OR6F1: variants seen among roughly 807,000 people sequenced by gnomAD.
OR6F1 encodes olfactory receptor family 6 subfamily F member 1.
For synonymous variants in OR6F1, 144 were observed against 150.0 expected (o/e 0.96, Z 0.29); for missense variants, 346 against 376.0 (o/e 0.92, Z 0.66).
intron 1 of OR6F1, among the ~76,000 whole-genome samples, chr1:247,714,311 T>G (rs914045852): frequency 6.6e-6 from 1 of 152,170 alleles, no homozygotes; most frequent in African/African-American, 2.4e-5. Flanking sequence ...CTCTAGGGTC[T>G]TATCATCCTA....
Position 247,712,768 on chromosome 1 carries a change from AC to A in OR6F1, c.-14del. 6.4e-7 allele frequency: 1 copy of A among 1,552,976 alleles called. No homozygotes were observed. The highest frequency in any genetic ancestry group is 8.8e-7 in the Non-Finnish European group (1 of 1,140,064). On this transcript the variant is annotated 5_prime_UTR_variant, in exon 3 of 3. Transcript: ENST00000641470. ...TGCCTGTGTCCATTGTGGTACTGAA[AC>A]CAGAAAACAGAGTCCCCGCACTGAG...
rs1660005898 is a variant in OR6F1, at chr1:247,711,821, G to C, written c.*8C>G. 2 of 1,578,914 alleles carry C rather than the reference G, an allele frequency of 1.3e-6. No homozygotes were observed. Among genetic ancestry groups the C allele is most frequent in the Non-Finnish European group, 1.7e-6 (2 of 1,148,996 alleles). The stretch of plus-strand genomic sequence containing the variant: ...CATTTACAGGACATCTGTTGTGGTA[G>C]AGGAGATTTATTTTCCCTTCCATTT... On this transcript the variant is annotated 3_prime_UTR_variant, in exon 3 of 3. Transcript: ENST00000641470.
Position 247,711,785 on chromosome 1 carries a change from G to T in OR6F1, c.*44C>A. ...CATTCTTACTTGGAACCTCTGTATA[G>T]ATGCAGAGACCATTTACAGGACATC... On this transcript the variant is annotated 3_prime_UTR_variant, in exon 3 of 3. Transcript: ENST00000641470. 1 of 1,274,628 alleles carries T rather than the reference G, an allele frequency of 7.8e-7. No individual in the cohort carries two copies. Among genetic ancestry groups the T allele is most frequent in the Non-Finnish European group, 1.1e-6 (1 of 882,740 alleles). 79.0% of individuals were successfully genotyped at this position (1,274,628 alleles called of 1,614,324 possible). A position where few individuals can be genotyped will look rare whatever the true frequency, so the allele number is the denominator to read the frequency against.
intron 1 of OR6F1, 97 bp from the exon 2 acceptor site, chr1:247,714,051 G>A (rs1660061735): frequency 7.5e-6 from 3 of 398,042 alleles, no homozygotes; most frequent in Non-Finnish European, 1.3e-5. Context: ...CACTGGCCAG[G>A]ACCATACACT....
intron 2 of OR6F1, 47 bp from the exon 3 acceptor site, chr1:247,712,864 A>T: frequency 1.6e-6 from 1 of 616,288 alleles, no homozygotes; most frequent in Non-Finnish European, 2.8e-6. Context: ...CCAATAATTA[A>T]ATGTAATTAT....
rs1306310942 is a variant in OR6F1, at chr1:247,712,588, A to G, written c.168T>C (p.His56=). The change falls in exon 3 of 3, where the codon CAT becomes CAC. Residue 56 remains histidine, a synonymous_variant. Coordinates refer to ENST00000641470, the MANE Select transcript of OR6F1 (RefSeq NM_001005286.2). ...LMLVSTSHQL[H]TPMYFFLSNL... Reference sequence around the variant, plus strand: ...TGCTCAGAAAGAAGTACATGGGGGTATGCAACTGATGGGAGGTGCTCACCA... The same window carrying G: ...TGCTCAGAAAGAAGTACATGGGGGTGTGCAACTGATGGGAGGTGCTCACCA... The G allele has an allele frequency of 1.2e-6, 2 of 1,614,152 alleles. No individual in the cohort carries two copies. Among genetic ancestry groups the G allele is most frequent in the East Asian group, 2.2e-5 (1 of 44,878 alleles).
chr1:247,711,891 TGAA>T lies in OR6F1; in HGVS notation c.862_864del (p.Phe288del), dbSNP rs1660008461. The T allele has an allele frequency of 6.2e-7, 1 of 1,613,924 alleles. No individual in the cohort carries two copies. Among genetic ancestry groups the T allele is most frequent in the African/African-American group, 1.3e-5 (1 of 75,020 alleles). ...ACTTCCTTATTACGAAGCGTATAGA[TGAA>T]GGGGTTTAAAACTGGAGTCACCACA... On this transcript the variant is annotated inframe_deletion, in exon 3 of 3. Coordinates refer to ENST00000641470, the MANE Select transcript of OR6F1 (RefSeq NM_001005286.2).
At chr1:247,713,479 G>A (rs1176132867) in intron 2 of OR6F1, among the ~76,000 whole-genome samples, 1 of 152,146 alleles carries the variant, frequency 6.6e-6, no homozygotes, top group Non-Finnish European at 1.5e-5. Context: ...AAATCCTGAT[G>A]CCCACTTGGA....
chr1:247,712,193 G>T lies in OR6F1; in HGVS notation c.563C>A (p.Ala188Asp). The change falls in exon 3 of 3, where the codon GCC (alanine) becomes GAC (aspartate). Residue 188 changes from alanine to aspartate, a missense_variant. Physicochemically the swap from Ala to Asp is moderately radical, Grantham distance 126 (BLOSUM62 -2). Coordinates refer to ENST00000641470, the MANE Select transcript of OR6F1 (RefSeq NM_001005286.2). Reference protein sequence around the residue: ...FCDIAPWIALACTNTQAVELV... With the variant: ...FCDIAPWIALDCTNTQAVELV... Reference sequence around the variant, plus strand: ...CTCTACTGCCTGTGTGTTGGTGCAGGCCAGGGCAATCCAGGGTGCAATGTC... The same window carrying T: ...CTCTACTGCCTGTGTGTTGGTGCAGTCCAGGGCAATCCAGGGTGCAATGTC... The T allele has an allele frequency of 6.2e-7, 1 of 1,614,174 alleles. No homozygotes were observed. The highest frequency in any genetic ancestry group is 1.1e-5 in the South Asian group (1 of 91,088).
intron 1 of OR6F1, among the ~76,000 whole-genome samples, chr1:247,714,314 T>C (rs1481556842): frequency 6.6e-6 from 1 of 152,178 alleles, no homozygotes; most frequent in East Asian, 1.9e-4. Flanking sequence ...TAGGGTCTTA[T>C]CATCCTAGAG....
At chr1:247,714,094 A>T in intron 1 of OR6F1, 140 bp from the exon 2 acceptor site, 1 of 396,770 alleles carries the variant, frequency 2.5e-6, no homozygotes, top group Non-Finnish European at 4.4e-6. Context: ...TTCTCATTTT[A>T]TAAAAAGGTA....
intron 2 of OR6F1, among the ~76,000 whole-genome samples, chr1:247,713,632 C>T (rs770249256): frequency 1.3e-5 from 2 of 152,130 alleles, no homozygotes; most frequent in South Asian, 2.1e-4. Flanking sequence ...TACTGTCAAA[C>T]GTACAGGTGA....
Position 247,712,129 on chromosome 1 carries a change from A to G in OR6F1, c.627T>C (p.Ser209=), listed in dbSNP as rs574582169. Residue 209 remains serine (S), a synonymous_variant, in exon 3 of 3, where the codon AGT becomes AGC. Coordinates refer to ENST00000641470, the MANE Select transcript of OR6F1 (RefSeq NM_001005286.2). ...AGGAGACAAAGGTGATGAGGCATGA[A>G]CTCAGGATAACCACAACAGCAATCA... ...AFVIAVVVIL[S]SCLITFVSYV... 3 of 1,614,190 alleles carry G rather than the reference A, an allele frequency of 1.9e-6. No homozygotes were observed. The African/African-American group carries it at 4.0e-5, about 22-fold the overall frequency.
At chr1:247,713,711 G>A (rs1660053742) in intron 2 of OR6F1, among the ~76,000 whole-genome samples, 180 bp downstream of exon 2, 2 of 152,160 alleles carry the variant, frequency 1.3e-5, no homozygotes. Flanking sequence ...TTCATTCTAG[G>A]AATTCCCTTA....
rs889605600 is a variant in OR6F1, at chr1:247,711,675, G to T, written c.*154C>A. The T allele has an allele frequency of 1.2e-5, 7 of 564,168 alleles. No homozygotes were observed. Among genetic ancestry groups the T allele is most frequent in the African/African-American group, 3.7e-5 (2 of 53,598 alleles). 34.9% of individuals were successfully genotyped at this position (564,168 alleles called of 1,614,324 possible). On this transcript the variant is annotated 3_prime_UTR_variant, in exon 3 of 3. Coordinates refer to ENST00000641470, the MANE Select transcript of OR6F1 (RefSeq NM_001005286.2). The stretch of plus-strand genomic sequence containing the variant: ...AAAAACTCCCATTTTTATCATACAT[G>T]ATAATGTATAGAAAATACAGTATTG...
chr1:247,715,301 A>G (rs1223248906), intron 1 of OR6F1, among the ~76,000 whole-genome samples: 1 of 152,226 alleles, frequency 6.6e-6, no homozygotes, highest in African/African-American at 2.4e-5. Context: ...GCTAGTATGA[A>G]ATAATTCTAT....
rs377653578 is a variant in OR6F1 at position 247,712,173 on chromosome 1, C to A, written c.583G>T (p.Val195Leu). Residue 195 changes from valine to leucine, a missense_variant, in exon 3 of 3, where the codon GTA becomes TTA. By Grantham distance (32) the Val-to-Leu change is conservative (BLOSUM62 1). Transcript: ENST00000641470. ...IALACTNTQA[V>L]ELVAFVIAVV... is the part of the protein sequence containing the mutation. ...GCAATCACAAAGGCCACAAGCTCTA[C>A]TGCCTGTGTGTTGGTGCAGGCCAGG... 2 of 1,614,142 alleles carry A rather than the reference C, an allele frequency of 1.2e-6. No homozygotes were observed. Among genetic ancestry groups the A allele is most frequent in the Non-Finnish European group, 1.7e-6 (2 of 1,179,938 alleles).
rs1246252063 is a variant in OR6F1 at position 247,712,593 on chromosome 1, A to G, written c.163T>C (p.Leu55=). The change falls in exon 3 of 3, where the codon TTG becomes CTG. Residue 55 remains leucine (L), a synonymous_variant. Coordinates refer to ENST00000641470, the MANE Select transcript of OR6F1 (RefSeq NM_001005286.2). ...AGAAAGAAGTACATGGGGGTATGCA[A>G]CTGATGGGAGGTGCTCACCAACATC... ...ILMLVSTSHQ[L]HTPMYFFLSN... is the part of the protein sequence containing the mutation. The G allele has an allele frequency of 1.9e-6, 3 of 1,614,148 alleles. No homozygotes were observed. The highest frequency in any genetic ancestry group is 8.5e-7 in the Non-Finnish European group (1 of 1,179,992).
chr1:247,712,479 A>C lies in OR6F1; in HGVS notation c.277T>G (p.Ser93Ala). 6.2e-7 allele frequency: 1 copy of C among 1,614,146 alleles called. No individual in the cohort carries two copies. The highest frequency in any genetic ancestry group is 1.7e-5 in the Admixed American group (1 of 60,028). Residue 93 changes from serine (S) to alanine (A), a missense_variant, in exon 3 of 3, where the codon TCA (serine) becomes GCA (alanine). Ser to Ala is a moderately conservative substitution (Grantham distance 99). Coordinates refer to ENST00000641470, the MANE Select transcript of OR6F1 (RefSeq NM_001005286.2). ...AILLGRSQTI[S>A]FTSCLLQMYF... ...ATCTGCAAAAGACAGCTTGTAAATGATATGGTCTGACTTCTCCCCAGTAGG... is the reference window on the plus strand; with the variant it reads ...ATCTGCAAAAGACAGCTTGTAAATGCTATGGTCTGACTTCTCCCCAGTAGG...
Sources: allele counts gnomAD v4.1 joint callset (sites outside exome capture counted in the v4.1 genomes callset), GRCh38; gene constraint gnomAD v4.1.1; transcripts MANE v1.5; gene names NCBI Gene and HGNC (gene_info 2026-07-23, HGNC 2026-07-21).